FBRSL1: variants seen among roughly 807,000 people sequenced by gnomAD.
The protein encoded by FBRSL1 is fibrosin-1-like protein.
A neutral mutation model predicts 89.6 loss-of-function variants in FBRSL1; 51 were observed. The ratio of observed to expected loss-of-function variants is 0.57; its 90% confidence interval spans 0.45 to 0.72. The LOEUF (loss-of-function observed/expected upper bound fraction) is 0.72. Ranked by LOEUF, FBRSL1 falls within the 30% of genes least tolerant of loss-of-function variation. The probability of loss-of-function intolerance (pLI) is 0.00; values close to 1 mark genes in which losing one functional copy is unlikely to be tolerated. For missense variants in FBRSL1, 1,618 were observed against 1,451.8 expected (o/e 1.11, Z -1.86); for synonymous variants, 779 against 681.1 (o/e 1.14, Z -2.24).
chr12:132,507,125 G>A (rs4883573), intron 1 of FBRSL1: 42,603 of 886,296 alleles, frequency 0.048, 1,121 homozygotes, highest in Middle Eastern at 0.092. Context: ...ATGCGGGGGC[G>A]GGTCCTCCTC....
intron 15 of FBRSL1, among the ~76,000 whole-genome samples, chr12:132,578,675 G>T (rs2040544505): frequency 6.6e-6 from 1 of 151,972 alleles, no homozygotes; most frequent in Admixed American, 6.6e-5. Context: ...CCAGCCACCA[G>T]GTCCTTGAGG....
At chr12:132,526,504 T>C (rs2136939208) in intron 3 of FBRSL1, among the ~76,000 whole-genome samples, 1 of 152,270 alleles carries the variant, frequency 6.6e-6, no homozygotes, top group Non-Finnish European at 1.5e-5. Context: ...CTCTGGCAGC[T>C]GGGAGCTGGC....
rs528612707 is a variant in FBRSL1 at position 132,522,352 on chromosome 12, C to T, written c.490-3382C>T. Among the ~76,000 whole-genome samples the T allele has an allele frequency of 4.9e-4, 66 of 135,190 alleles. No homozygotes were observed. In the East Asian group the frequency reaches 7.1e-3, roughly 14 times the overall value. 88.7% of individuals were successfully genotyped at this position (135,190 alleles called of 152,430 possible). On this transcript the variant is annotated intron_variant, in intron 2 of 18. Transcript: ENST00000680143. ...GGACGTGCAGCCTGGAGCTGGGGGA[C>T]GGTGTGGAGGGAGGGGGTTGGTGAG... is the stretch of plus-strand genomic sequence containing the variant.
Position 132,583,330 on chromosome 12 carries a change from CT to C in FBRSL1, c.2564del (p.Phe855SerfsTer106). 2.5e-6 allele frequency: 3 copies of C among 1,183,724 alleles called. No homozygotes were observed. The highest frequency in any genetic ancestry group is 2.5e-5 in the South Asian group (1 of 39,638). The allele number at this position is 1,183,724 out of a possible 1,614,324, so 73.3% of individuals were successfully genotyped here. A position where few individuals can be genotyped will look rare whatever the true frequency, so the allele number is the denominator to read the frequency against. ...RLGAPGFAWE[P>X]FRGLELPRRA... ...GGCGCGCCGGGCTTCGCGTGGGAGCCTTTCCGCGGCCTGGAGCTGCCACGTC... is the reference window on the plus strand; with the variant it reads ...GGCGCGCCGGGCTTCGCGTGGGAGCCTTCCGCGGCCTGGAGCTGCCACGTC... On this transcript the variant is annotated frameshift_variant, in exon 19 of 19. Transcript: ENST00000680143. LOFTEE classifies it high-confidence loss of function.
chr12:132,544,083 G>GC (rs939476555), intron 4 of FBRSL1, among the ~76,000 whole-genome samples: 1 of 152,182 alleles, frequency 6.6e-6, no homozygotes, highest in Non-Finnish European at 1.5e-5. Context: ...GGCAGAGCCT[G>GC]CCCCCACGGC....
rs957154760 is a variant in FBRSL1 at position 132,499,268 on chromosome 12, G to C, written c.291+8407G>C. ...GGGGTGGTGCTGGACCTCTGGGAGAGGCCAGGTGAGCCGCTGGCCAGCAGG... is the reference window on the plus strand; with the variant it reads ...GGGGTGGTGCTGGACCTCTGGGAGACGCCAGGTGAGCCGCTGGCCAGCAGG... On this transcript the variant is annotated intron_variant, in intron 1 of 18. Coordinates refer to ENST00000680143, the MANE Select transcript of FBRSL1 (RefSeq NM_001367871.1). This position sits in a 1 kb window ranked among gnomAD's most constrained non-coding sequence, Gnocchi z 4.3. 9.2e-5 allele frequency among the ~76,000 whole-genome samples: 14 copies of C among 151,960 alleles called. No homozygotes were observed. Among genetic ancestry groups the C allele is most frequent in the African/African-American group, 3.1e-4 (13 of 41,372 alleles).
chr12:132,534,139 G>A (rs2137066840), intron 4 of FBRSL1, among the ~76,000 whole-genome samples: 1 of 152,326 alleles, frequency 6.6e-6, no homozygotes, highest in East Asian at 1.9e-4. Flanking sequence ...AGCAGCCCAA[G>A]CACCACCACT....
At chr12:132,527,742 G>T (rs56283639) in intron 3 of FBRSL1, among the ~76,000 whole-genome samples, 2 of 143,132 alleles carry the variant, frequency 1.4e-5, no homozygotes, top group East Asian at 4.0e-4. Context: ...CAGGGTTGAG[G>T]GCTGTGGGGC....
chr12:132,583,644 C>G lies in FBRSL1; in HGVS notation c.2875C>G (p.Leu959Val), dbSNP rs914559746. 3 of 1,016,222 alleles carry G rather than the reference C, an allele frequency of 3.0e-6. No homozygotes were observed. In the African/African-American group the frequency reaches 5.2e-5, roughly 18 times the overall value. 63.0% of individuals were successfully genotyped at this position (1,016,222 alleles called of 1,614,324 possible). A position where few individuals can be genotyped will look rare whatever the true frequency, so the allele number is the denominator to read the frequency against. ...AAAALGAPPP[L>V]VTAAGPPTPP... The stretch of plus-strand genomic sequence containing the variant: ...CGCCGCCCTCGGCGCACCGCCCCCC[C>G]TGGTGACGGCGGCCGGGCCCCCCAC... Residue 959 changes from leucine (L) to valine (V), a missense_variant, in exon 19 of 19, where the codon CTG becomes GTG. Physicochemically the swap from Leu to Val is conservative, Grantham distance 32. Coordinates refer to ENST00000680143, the MANE Select transcript of FBRSL1 (RefSeq NM_001367871.1).
chr12:132,583,271 G>A lies in FBRSL1; in HGVS notation c.2502G>A (p.Ala834=), dbSNP rs1180238059. The change falls in exon 19 of 19, where the codon GCG becomes GCA. Residue 834 remains alanine (A), a synonymous_variant. Transcript: ENST00000680143. The part of the protein sequence containing the change: ...SEPPAGGLHP[A]PLQLGLGRER... Reference sequence around the variant, plus strand: ...CCCCGGCGGGCGGCCTGCACCCCGCGCCCCTGCAGCTCGGCCTGGGCCGCG... The same window carrying A: ...CCCCGGCGGGCGGCCTGCACCCCGCACCCCTGCAGCTCGGCCTGGGCCGCG... The A allele has an allele frequency of 1.0e-5, 13 of 1,290,994 alleles. No homozygotes were observed. In the East Asian group the frequency reaches 1.8e-4, roughly 18 times the overall value. The allele number at this position is 1,290,994 out of a possible 1,614,324, so 80.0% of individuals were successfully genotyped here. A position where few individuals can be genotyped will look rare whatever the true frequency, so the allele number is the denominator to read the frequency against.
chr12:132,552,475 C>T (rs1265772117), intron 5 of FBRSL1: 1 of 155,290 alleles, frequency 6.4e-6, no homozygotes, highest in Non-Finnish European at 1.4e-5. Flanking sequence ...GGGGCACTCA[C>T]CCCGCAGGAT....
chr12:132,571,544 G>A (rs927619088), intron 9 of FBRSL1: 178 of 1,425,830 alleles, frequency 1.2e-4, no homozygotes, highest in Non-Finnish European at 1.5e-4. Context: ...CCCGCGTGCT[G>A]GCAGGGGGCG....
At chr12:132,573,262 C>T (rs897438888) in intron 11 of FBRSL1, among the ~76,000 whole-genome samples, 5 of 152,284 alleles carry the variant, frequency 3.3e-5, no homozygotes, top group Admixed American at 1.3e-4. Context: ...GCTGCCAAGC[C>T]CTTGACCTCC....
chr12:132,508,647 G>A (rs1455618172), intron 2 of FBRSL1, among the ~76,000 whole-genome samples: 2 of 152,226 alleles, frequency 1.3e-5, no homozygotes, highest in Non-Finnish European at 2.9e-5. Context: ...GGCCGGCCCC[G>A]TTTCCCTGCC....
intron 1 of FBRSL1, among the ~76,000 whole-genome samples, chr12:132,495,899 G>A (rs567784924): frequency 7.9e-5 from 12 of 152,356 alleles, no homozygotes; most frequent in Non-Finnish European, 1.3e-4. Flanking sequence ...AGGGTTCCAC[G>A]TCCTCTGCCT....
rs890054863 is a variant in FBRSL1 at position 132,525,760 on chromosome 12, C to T, written c.516C>T (p.Gly172=). ...KQMKVTVSKG[G]DRDSDDDSVL... ...TGAAGGTCACCGTGTCCAAAGGGGGCGACCGGGACAGTGACGACGACAGCG... is the reference window on the plus strand; with the variant it reads ...TGAAGGTCACCGTGTCCAAAGGGGGTGACCGGGACAGTGACGACGACAGCG... The change falls in exon 3 of 19, where the codon GGC becomes GGT. Residue 172 remains glycine (G), a synonymous_variant. Coordinates refer to ENST00000680143, the MANE Select transcript of FBRSL1 (RefSeq NM_001367871.1). The T allele has an allele frequency of 3.9e-6, 6 of 1,549,720 alleles. No homozygotes were observed. The highest frequency in any genetic ancestry group is 2.4e-5 in the South Asian group (2 of 84,058).
intron 1 of FBRSL1, among the ~76,000 whole-genome samples, chr12:132,491,429 C>G (rs1235844168): frequency 6.6e-6 from 1 of 152,240 alleles, no homozygotes; most frequent in Non-Finnish European, 1.5e-5. Context: ...TACTGCTCCT[C>G]TTACATGAAC....
intron 6 of FBRSL1, among the ~76,000 whole-genome samples, chr12:132,569,529 C>T (rs1210025886): frequency 2.0e-5 from 3 of 152,170 alleles, no homozygotes; most frequent in African/African-American, 4.8e-5. Context: ...CCCTAGCTCC[C>T]GTGTTCAAAT....
Position 132,585,001 on chromosome 12 carries a change from C to CCCGA in FBRSL1, c.*1223_*1224insCCGA, listed in dbSNP as rs2041034997. 1 of 151,612 alleles carries CCCGA rather than the reference C, an allele frequency of 6.6e-6. No homozygotes were observed. The highest frequency in any genetic ancestry group is 2.1e-4 in the South Asian group (1 of 4,796). The allele number at this position is 151,612 out of a possible 1,614,324, so 9.4% of individuals were successfully genotyped here. A position where few individuals can be genotyped will look rare whatever the true frequency, so the allele number is the denominator to read the frequency against. ...CCCCATGCCCTGCCCCCCTTGCGGC[C>CCCGA]TTTTGTGTTCCCCGATGTCTGGGCT... On this transcript the variant is annotated 3_prime_UTR_variant, in exon 19 of 19. Transcript: ENST00000680143.
Sources: allele counts gnomAD v4.1 joint callset (sites outside exome capture counted in the v4.1 genomes callset), GRCh38; gene constraint gnomAD v4.1.1; non-coding constraint Gnocchi (gnomAD v3.1); transcripts MANE v1.5; gene names NCBI Gene and HGNC (gene_info 2026-07-23, HGNC 2026-07-21).